The following NEGR1 variants were observed in gnomAD, a reference collection of about 807,000 sequenced individuals.
NEGR1 encodes IgLON family member 4.
A neutral mutation model predicts 40.9 loss-of-function variants in NEGR1; 10 were observed. The ratio of observed to expected loss-of-function variants is 0.24; its 90% CI spans 0.15 to 0.42. The LOEUF is 0.42. Ranked by LOEUF, NEGR1 falls within the 10% of genes least tolerant of loss-of-function variation. The probability of loss-of-function intolerance (pLI) is 1.00; values close to 1 mark genes in which losing one functional copy is unlikely to be tolerated. For synonymous variants in NEGR1, 185 were observed against 166.8 expected (o/e 1.11, Z -0.84); for missense variants, 352 against 438.9 (o/e 0.80, Z 1.77).
chr1:71,973,408 C>T (rs894257111), intron 1 of NEGR1, among the ~76,000 whole-genome samples: 1 of 151,354 alleles, frequency 6.6e-6, no homozygotes, highest in African/African-American at 2.4e-5. Context: ...GGACTTTTGT[C>T]CTCCAGGCTG....
intron 1 of NEGR1, among the ~76,000 whole-genome samples, chr1:72,203,460 C>T (rs1041191984): frequency 6.4e-4 from 98 of 152,056 alleles, no homozygotes; most frequent in Non-Finnish European, 1.1e-3. Context: ...TATAATAAAA[C>T]TTGAATGAAT....
chr1:72,208,079 T>C (rs1653474441), intron 1 of NEGR1, among the ~76,000 whole-genome samples: 1 of 151,704 alleles, frequency 6.6e-6, no homozygotes, highest in African/African-American at 2.4e-5. Context: ...TTTTCCTCAT[T>C]TGTAAAAGAG....
intron 1 of NEGR1, among the ~76,000 whole-genome samples, chr1:72,143,921 A>ATATAT (rs1553145025): frequency 1.3e-5 from 1 of 77,276 alleles, no homozygotes; most frequent in African/African-American, 5.3e-5. Context: ...TATAATATAT[A>ATATAT]TATATATATA....
intron 6 of NEGR1, among the ~76,000 whole-genome samples, chr1:71,452,828 A>C (rs1163319488): frequency 1.3e-5 from 2 of 150,216 alleles, no homozygotes; most frequent in Non-Finnish European, 3.0e-5. Context: ...AAAAAAAAAC[A>C]CAACAGATAA....
intron 6 of NEGR1, chr1:71,463,181 T>A (rs1243316451): frequency 6.6e-6 from 1 of 152,166 alleles, no homozygotes. Context: ...GTAAATTATA[T>A]ACATTTTATG....
chr1:71,702,498 G>T (rs1653730300), intron 3 of NEGR1, among the ~76,000 whole-genome samples: 1 of 151,948 alleles, frequency 6.6e-6, no homozygotes. Context: ...AGCCTAGAAG[G>T]CCTTGTATTC....
chr1:71,854,519 G>T (rs993022746), intron 2 of NEGR1, among the ~76,000 whole-genome samples: 2 of 152,060 alleles, frequency 1.3e-5, no homozygotes, highest in African/African-American at 4.8e-5. Context: ...CAGTCAAAAG[G>T]TGATGATAAT....
chr1:71,626,643 G>A (rs1212776703), intron 4 of NEGR1, among the ~76,000 whole-genome samples: 6 of 151,870 alleles, frequency 4.0e-5, no homozygotes, highest in African/African-American at 7.3e-5. Flanking sequence ...TTGACAAATG[G>A]GATCTAATTA....
At chr1:72,038,615 G>A (rs184284630) in intron 1 of NEGR1, among the ~76,000 whole-genome samples, 32 of 152,048 alleles carry the variant, frequency 2.1e-4, no homozygotes, top group African/African-American at 7.5e-4. Flanking sequence ...GATCATTTCT[G>A]TCTTCAAAAA....
intron 4 of NEGR1, among the ~76,000 whole-genome samples, chr1:71,629,147 T>A (rs1050210604): frequency 6.6e-6 from 1 of 152,162 alleles, no homozygotes; most frequent in Admixed American, 6.6e-5. Flanking sequence ...TGATTTGCAT[T>A]TCTCTAATGA....
intron 2 of NEGR1, among the ~76,000 whole-genome samples, chr1:71,849,116 T>G (rs1659520114): frequency 6.6e-6 from 1 of 151,896 alleles, no homozygotes; most frequent in South Asian, 2.1e-4. Context: ...AGAAATACAT[T>G]TCATAATGCT....
chr1:72,198,853 A>C, intron 1 of NEGR1, among the ~76,000 whole-genome samples: 1 of 152,006 alleles, frequency 6.6e-6, no homozygotes, highest in South Asian at 2.1e-4. Context: ...TTTTTACTTT[A>C]TTTCTTTAAT....
At chr1:72,269,295 A>T in intron 1 of NEGR1, among the ~76,000 whole-genome samples, 1 of 151,606 alleles carries the variant, frequency 6.6e-6, no homozygotes, top group Middle Eastern at 3.2e-3. Context: ...TGGTGCTTAA[A>T]ATTATTGGCT....
intron 1 of NEGR1, among the ~76,000 whole-genome samples, chr1:72,155,673 C>G (rs1263227793): frequency 6.6e-6 from 1 of 151,978 alleles, no homozygotes; most frequent in Non-Finnish European, 1.5e-5. Flanking sequence ...TTTAGGCTTT[C>G]AAGATCTTTA....
intron 2 of NEGR1, among the ~76,000 whole-genome samples, chr1:71,931,037 T>C (rs767290029): frequency 6.6e-6 from 1 of 152,150 alleles, no homozygotes; most frequent in South Asian, 2.1e-4. Flanking sequence ...AATGTTGTCT[T>C]CTAACTACAC....
chr1:72,254,485 G>A (rs1280793512), intron 1 of NEGR1, among the ~76,000 whole-genome samples: 4 of 151,954 alleles, frequency 2.6e-5, no homozygotes, highest in African/African-American at 9.7e-5. Context: ...GGCGGATCAC[G>A]AGGTCAGGAT....
chr1:71,725,854 C>A (rs1654655063), intron 3 of NEGR1, among the ~76,000 whole-genome samples: 1 of 152,008 alleles, frequency 6.6e-6, no homozygotes, highest in Non-Finnish European at 1.5e-5. Flanking sequence ...ATGTCAATAT[C>A]ACTGCTCCTC....
intron 2 of NEGR1, among the ~76,000 whole-genome samples, chr1:71,802,396 C>A (rs915987847): frequency 6.6e-6 from 1 of 152,132 alleles, no homozygotes; most frequent in African/African-American, 2.4e-5. Flanking sequence ...TAGAGCTATT[C>A]ATATGTGATC....
chr1:72,272,116 CTCT>C (rs1175425295), intron 1 of NEGR1, among the ~76,000 whole-genome samples: 1 of 151,770 alleles, frequency 6.6e-6, no homozygotes, highest in African/African-American at 2.4e-5. Flanking sequence ...AATATATTTT[CTCT>C]TATTATAGTT....
Sources: gnomAD v4.1 joint callset for allele counts (sites outside exome capture counted in the v4.1 genomes callset) on GRCh38, gnomAD v4.1.1 for gene constraint, MANE v1.5 for transcripts, NCBI Gene and HGNC (gene_info 2026-07-23, HGNC 2026-07-21) for gene names.